The following LCT variants were observed in gnomAD, a reference collection of about 807,000 sequenced individuals.
LCT encodes the protein lactase/phlorizin hydrolase.
Under a neutral mutation model 173.0 loss-of-function variants are expected in LCT, and 90 were observed. The ratio of observed to expected loss-of-function variants is 0.52; its 90% CI spans 0.44 to 0.62. The LOEUF (loss-of-function observed/expected upper bound fraction) is 0.62, where lower values mean the gene tolerates loss of function less well. Ranked by LOEUF, LCT falls within the 20% of genes least tolerant of loss-of-function variation. LCT has a pLI of 0.00. For synonymous variants in LCT, 853 were observed against 957.6 expected (o/e 0.89, Z 2.02); for missense variants, 1,864 against 2,431.4 (o/e 0.77, Z 4.91).
At position 135,809,740 on chromosome 2, in the gene LCT, G is replaced by A. The variant is rs2077717647; in HGVS notation, c.2607C>T (p.Ala869=). ...AGGGCACCTCAGATGGAAAAGTGAA[G>A]GCTCTGACTTTGGAGGGGAGGTTTA... The part of the protein sequence containing the change: ...NTVNLPSKVR[A]FTFPSEVPSK... Residue 869 remains alanine (A), a synonymous_variant, in exon 8 of 17, where the codon GCC becomes GCT. Transcript: ENST00000264162. The surrounding 1 kb of genome is among the most constrained non-coding windows in gnomAD (Gnocchi z 5.5). 10 of 1,614,254 alleles carry A rather than the reference G, an allele frequency of 6.2e-6. No individual in the cohort carries two copies. The highest frequency in any genetic ancestry group is 8.5e-6 in the Non-Finnish European group (10 of 1,180,044).
intron 9 of LCT, 152 bp downstream of exon 9, chr2:135,806,976 G>C: frequency 1.2e-6 from 1 of 865,686 alleles, no homozygotes; most frequent in Non-Finnish European, 1.9e-6. Context: ...AAGCCAGGCT[G>C]TCTGGAAGAG....
intron 6 of LCT, among the ~76,000 whole-genome samples, chr2:135,816,756 A>G (rs1474496849): frequency 6.6e-6 from 1 of 152,236 alleles, no homozygotes; most frequent in Non-Finnish European, 1.5e-5. Context: ...CATCATGACC[A>G]CATTGTTTAT....
At chr2:135,825,992 T>C (rs553399806) in intron 3 of LCT, among the ~76,000 whole-genome samples, 3 of 152,266 alleles carry the variant, frequency 2.0e-5, no homozygotes, top group Admixed American at 1.3e-4. Context: ...GTGTGGTAAC[T>C]GTGCATGGGA....
At chr2:135,816,893 G>C (rs59506451) in intron 6 of LCT, among the ~76,000 whole-genome samples, 7,524 of 151,026 alleles carry the variant, frequency 0.05, 339 homozygotes, top group African/African-American at 0.12. Context: ...TTTTGAGACA[G>C]GGTCTTGCTC....
In LCT at chr2:135,830,554, T is replaced by A. The variant is rs76066051; in HGVS notation, c.721-878A>T. On this transcript the variant is annotated intron_variant, in intron 2 of 16. Coordinates refer to ENST00000264162, the MANE Select transcript of LCT (RefSeq NM_002299.4). ...TGCTCTGTGAATGCCTAGTGTTCCATTATGGGAATGCTAAGCCTGTGGAAG... is the reference window on the plus strand; with the variant it reads ...TGCTCTGTGAATGCCTAGTGTTCCAATATGGGAATGCTAAGCCTGTGGAAG... 0.01 allele frequency among the ~76,000 whole-genome samples: 1,590 copies of A among 152,324 alleles called. 98 individuals carry two copies. In the East Asian group the frequency reaches 0.18, roughly 18 times the overall value.
Position 135,836,562 on chromosome 2 carries a change from T to C in LCT, c.608A>G (p.Tyr203Cys). Reference protein sequence around the residue: ...QTLSDAHRKAYEIYHESYAFQ... With the variant: ...QTLSDAHRKACEIYHESYAFQ... Reference sequence around the variant, plus strand: ...AGCATAGCTTTCGTGGTAAATCTCATAGGCTTTTCTGTGGGCATCACTGAG... The same window carrying C: ...AGCATAGCTTTCGTGGTAAATCTCACAGGCTTTTCTGTGGGCATCACTGAG... The change falls in exon 1 of 17, where the codon TAT becomes TGT. Residue 203 changes from tyrosine (Y) to cysteine (C), a missense_variant. By Grantham distance (194) the Tyr-to-Cys change is radical. Around this residue, in one of 4 missense-constraint regions of LCT, gnomAD observed 412 missense variants for 462.0 expected, o/e 0.89. Coordinates refer to ENST00000264162, the MANE Select transcript of LCT (RefSeq NM_002299.4). 1 of 1,614,114 alleles carries C rather than the reference T, an allele frequency of 6.2e-7. No homozygotes were observed. The highest frequency in any genetic ancestry group is 8.5e-7 in the Non-Finnish European group (1 of 1,180,006).
At chr2:135,819,771 C>T (rs1399155774) in intron 5 of LCT, among the ~76,000 whole-genome samples, 1 of 152,212 alleles carries the variant, frequency 6.6e-6, no homozygotes, top group Non-Finnish European at 1.5e-5. Flanking sequence ...GGTGCTCAGC[C>T]TCTGCGTATC....
intron 1 of LCT, among the ~76,000 whole-genome samples, chr2:135,834,378 G>A (rs937387512): frequency 1.9e-4 from 28 of 151,260 alleles, no homozygotes; most frequent in African/African-American, 6.8e-4. Context: ...GTAGAGATGG[G>A]GTTTCACCGT....
intron 1 of LCT, among the ~76,000 whole-genome samples, chr2:135,833,945 C>A (rs1216728657): frequency 6.6e-6 from 1 of 152,182 alleles, no homozygotes; most frequent in African/African-American, 2.4e-5. Context: ...CTAGTTTCCT[C>A]CTATACATGG....
At chr2:135,823,850 C>T in intron 4 of LCT, 51 bp downstream of exon 4, 1 of 1,212,560 alleles carries the variant, frequency 8.2e-7, no homozygotes, top group Non-Finnish European at 1.2e-6. Flanking sequence ...CTACCTAGCA[C>T]ACCAGTGCAC....
intron 12 of LCT, among the ~76,000 whole-genome samples, chr2:135,799,325 C>G (rs755702597): frequency 1.3e-5 from 2 of 152,082 alleles, no homozygotes; most frequent in African/African-American, 4.8e-5. Flanking sequence ...GCCTTTCCTT[C>G]CTGATGCAAA....
intron 2 of LCT, among the ~76,000 whole-genome samples, chr2:135,832,376 T>C (rs548824252): frequency 6.6e-6 from 1 of 151,610 alleles, no homozygotes; most frequent in Non-Finnish European, 1.5e-5. Context: ...GCTGTGATCA[T>C]GCCACTGCAC....
chr2:135,836,439 T>C, intron 1 of LCT, 91 bp downstream of exon 1: 2 of 1,154,206 alleles, frequency 1.7e-6, no homozygotes, highest in Non-Finnish European at 2.6e-6. Flanking sequence ...GAAGGTGAGT[T>C]GGGAGAAATG....
rs2077742560 is a variant in LCT at position 135,812,510 on chromosome 2, G to A, written c.2154C>T (p.Pro718=). ...CACGAATCCAAGAGGATGAGGTCTG[G>A]GGCCACACATGGTTCACGTGTTGGG... The part of the protein sequence containing the change: ...GFSQHVNHVW[P]QTSSSWIRVV... Residue 718 remains proline (P), a synonymous_variant, in exon 7 of 17, where the codon CCC becomes CCT. Coordinates refer to ENST00000264162, the MANE Select transcript of LCT (RefSeq NM_002299.4). 6.2e-7 allele frequency: 1 copy of A among 1,614,194 alleles called. No homozygotes were observed. The highest frequency in any genetic ancestry group is 1.1e-5 in the South Asian group (1 of 91,080).
intron 5 of LCT, among the ~76,000 whole-genome samples, chr2:135,819,075 T>C (rs2077806808): frequency 6.6e-6 from 1 of 152,180 alleles, no homozygotes; most frequent in South Asian, 2.1e-4. Flanking sequence ...GGATTCCTGG[T>C]GATTATGAGT....
rs1191549306 is a variant in LCT at position 135,823,734 on chromosome 2, C to T, written c.907+167G>A. Among the ~76,000 whole-genome samples, 5 of 152,170 alleles carry T rather than the reference C, an allele frequency of 3.3e-5. No homozygotes were observed. In the East Asian group the frequency reaches 5.8e-4, roughly 18 times the overall value. On this transcript the variant is annotated intron_variant, in intron 4 of 16. Transcript: ENST00000264162. ...GTCAATGGGGGATGGTTGCAAGGGACCATCAGTAGGAAGGCATAGTACACT... is the reference window on the plus strand; with the variant it reads ...GTCAATGGGGGATGGTTGCAAGGGATCATCAGTAGGAAGGCATAGTACACT...
Position 135,809,574 on chromosome 2 carries a change from C to A in LCT, c.2773G>T (p.Asp925Tyr). ...AYQIEGAWDA[D>Y]GKGPSIWDNF... ...TCCCAGATGCTGGGGCCTTTGCCAT[C>A]GGCATCCCACGCGCCTTCAATCTGA... Residue 925 changes from aspartate (D) to tyrosine (Y), a missense_variant, in exon 8 of 17, where the codon GAT becomes TAT. This residue lies in a region of LCT where 755 missense variants were observed against 926.3 expected (regional missense o/e 0.82). Coordinates refer to ENST00000264162, the MANE Select transcript of LCT (RefSeq NM_002299.4). The surrounding 1 kb of genome is among the most constrained non-coding windows in gnomAD (Gnocchi z 5.5). 3 of 1,614,208 alleles carry A rather than the reference C, an allele frequency of 1.9e-6. No individual in the cohort carries two copies. The highest frequency in any genetic ancestry group is 1.7e-6 in the Non-Finnish European group (2 of 1,180,048).
intron 6 of LCT, among the ~76,000 whole-genome samples, chr2:135,815,984 A>G (rs1438465078): frequency 1.3e-5 from 2 of 152,204 alleles, no homozygotes; most frequent in African/African-American, 4.8e-5. Context: ...TACAGGCGTG[A>G]GCCACCATGC....
chr2:135,788,460 G>A lies in LCT; in HGVS notation c.5648C>T (p.Ala1883Val), dbSNP rs745391876. 3.7e-6 allele frequency: 6 copies of A among 1,613,666 alleles called. No homozygotes were observed. In the East Asian group the frequency reaches 1.3e-4, roughly 36 times the overall value. Residue 1883 changes from alanine (A) to valine (V), a missense_variant, in exon 17 of 17, where the codon GCT becomes GTT. Ala to Val is a moderately conservative substitution (Grantham distance 64). This residue lies in a region of LCT where 514 missense variants were observed against 750.1 expected (regional missense o/e 0.69). Coordinates refer to ENST00000264162, the MANE Select transcript of LCT (RefSeq NM_002299.4). ...LMLGTTEAQTALYVLFSLVLL... is the reference protein window; with the variant it reads ...LMLGTTEAQTVLYVLFSLVLL... ...CACAAGAGAAAAGAGAACGTACAAA[G>A]CTGTCTGTGCTTCTGTGGTGCCGAG...
Sources: gnomAD v4.1 joint callset for allele counts (sites outside exome capture counted in the v4.1 genomes callset) on GRCh38, gnomAD v4.1.1 for gene constraint, gnomAD v4.1.1 regional missense constraint, Gnocchi (gnomAD v3.1) non-coding constraint, MANE v1.5 for transcripts, NCBI Gene and HGNC (gene_info 2026-07-23, HGNC 2026-07-21) for gene names.